The following SAMD5 variants were observed in gnomAD, a reference collection of about 807,000 sequenced individuals.
The protein encoded by SAMD5 is sterile alpha motif domain-containing protein 5.
Under a neutral mutation model 11.3 loss-of-function variants are expected in SAMD5, and 13 were observed. The observed-to-expected ratio is 1.15, with a 90% confidence interval of 0.75 to 1.83. The LOEUF (loss-of-function observed/expected upper bound fraction) is 1.83, where lower values mean the gene tolerates loss of function less well. Ranked by LOEUF, SAMD5 falls within the 40% of genes most tolerant of loss-of-function variation. The probability of loss-of-function intolerance (pLI) is 0.00; values close to 1 mark genes in which losing one functional copy is unlikely to be tolerated. For synonymous variants in SAMD5, 129 were observed against 111.3 expected (o/e 1.16, Z -1.00); for missense variants, 255 against 239.1 (o/e 1.07, Z -0.44).
the SAMD5 span, among the ~76,000 whole-genome samples, chr6:147,748,120 C>G: frequency 2.0e-5 from 3 of 152,100 alleles, no homozygotes; most frequent in Admixed American, 6.5e-5. Flanking sequence ...ATATTTTCAC[C>G]TTGGTAAGTG....
chr6:147,915,726 A>C, the SAMD5 span, among the ~76,000 whole-genome samples: 1,027 of 152,308 alleles, frequency 6.7e-3, 12 homozygotes, highest in African/African-American at 0.023. Context: ...GAAAGCTCCA[A>C]GAGGAAAGAA....
chr6:147,616,177 A>AT (rs1207696590), intron 1 of SAMD5, among the ~76,000 whole-genome samples: 7 of 112,484 alleles, frequency 6.2e-5, no homozygotes, highest in Non-Finnish European at 1.2e-4. Flanking sequence ...ATATATATTT[A>AT]TTCATATATA....
intron 1 of SAMD5, among the ~76,000 whole-genome samples, chr6:147,695,149 T>C (rs1374169107): frequency 6.6e-6 from 1 of 152,228 alleles, no homozygotes; most frequent in East Asian, 1.9e-4. Flanking sequence ...ATATGTGATA[T>C]CTAGGAATTT....
the SAMD5 span, among the ~76,000 whole-genome samples, chr6:147,871,963 AAATTT>A: frequency 4.2e-4 from 64 of 152,330 alleles, 1 homozygote; most frequent in African/African-American, 1.5e-3. Context: ...ATATATATGT[AAATTT>A]AATTTAACAG....
At chr6:147,902,171 G>T in the SAMD5 span, among the ~76,000 whole-genome samples, 1 of 151,862 alleles carries the variant, frequency 6.6e-6, no homozygotes, top group East Asian at 1.9e-4. Context: ...GGTCCAAATG[G>T]CCCCACACAT....
chr6:147,608,844 G>A (rs559593126), intron 1 of SAMD5, among the ~76,000 whole-genome samples: 1 of 152,232 alleles, frequency 6.6e-6, no homozygotes, highest in Admixed American at 6.5e-5. Context: ...TGAGGGGATA[G>A]AGACCCCATT....
intron 1 of SAMD5, among the ~76,000 whole-genome samples, chr6:147,731,230 A>T (rs1205721326): frequency 1.3e-5 from 2 of 152,126 alleles, no homozygotes; most frequent in Non-Finnish European, 2.9e-5. Context: ...CCATCTCCCC[A>T]TTTGAAGTCT....
the SAMD5 span, among the ~76,000 whole-genome samples, chr6:147,927,730 C>A: frequency 6.6e-6 from 1 of 152,082 alleles, no homozygotes; most frequent in Non-Finnish European, 1.5e-5. Flanking sequence ...GAGAGGGCAC[C>A]CTGGTCTTGC....
At chr6:147,536,533 T>G (rs1788512271) in intron 1 of SAMD5, among the ~76,000 whole-genome samples, 1 of 151,162 alleles carries the variant, frequency 6.6e-6, no homozygotes, top group East Asian at 1.9e-4. Flanking sequence ...TCCAAGAAGT[T>G]TTTTTTTTAA....
Position 147,711,883 on chromosome 6 carries a change from T to C in SAMD5, c.163-25434T>C, listed in dbSNP as rs1791405728. Reference sequence around the variant, plus strand: ...TTGCTTGCCAATCGAAAGCCCTATTTACATAAACACCAGGGGCCCACTCAG... The same window carrying C: ...TTGCTTGCCAATCGAAAGCCCTATTCACATAAACACCAGGGGCCCACTCAG... On this transcript the variant is annotated intron_variant, in intron 1 of 1. Transcript: ENST00000566741. This position sits in a 1 kb window ranked among gnomAD's most constrained non-coding sequence, Gnocchi z 4.1. 6.6e-6 allele frequency among the ~76,000 whole-genome samples: 1 copy of C among 152,212 alleles called. No individual in the cohort carries two copies. Among genetic ancestry groups the C allele is most frequent in the African/African-American group, 2.4e-5 (1 of 41,458 alleles).
intron 1 of SAMD5, among the ~76,000 whole-genome samples, chr6:147,611,150 G>A (rs1789778911): frequency 6.6e-6 from 1 of 152,156 alleles, no homozygotes; most frequent in African/African-American, 2.4e-5. Flanking sequence ...GGGATTACAG[G>A]CATTAGCCGC....
intron 1 of SAMD5, among the ~76,000 whole-genome samples, chr6:147,578,868 G>T (rs1189730916): frequency 2.0e-5 from 3 of 152,088 alleles, no homozygotes; most frequent in African/African-American, 2.4e-5. Context: ...GTTAGACATG[G>T]GTTTGAATTT....
At chr6:147,935,103 T>A in the SAMD5 span, among the ~76,000 whole-genome samples, 1 of 152,204 alleles carries the variant, frequency 6.6e-6, no homozygotes, top group African/African-American at 2.4e-5. Context: ...GTACAGCAAG[T>A]GTCTCCAGTG....
the SAMD5 span, among the ~76,000 whole-genome samples, chr6:147,754,452 T>A: frequency 6.6e-6 from 1 of 152,090 alleles, no homozygotes; most frequent in Non-Finnish European, 1.5e-5. Context: ...TTATGTATTC[T>A]GGTTATTAAT....
chr6:147,857,493 G>A, the SAMD5 span, among the ~76,000 whole-genome samples: 2 of 151,728 alleles, frequency 1.3e-5, no homozygotes, highest in African/African-American at 2.4e-5. Context: ...CAGCCTGAGT[G>A]ACAGAGCAAG....
chr6:147,646,712 T>G (rs1790407678), intron 1 of SAMD5, among the ~76,000 whole-genome samples: 1 of 152,178 alleles, frequency 6.6e-6, no homozygotes, highest in Admixed American at 6.5e-5. Flanking sequence ...CTTATCTCTT[T>G]TAATGTGTAT....
chr6:147,949,988 T>A, the SAMD5 span, among the ~76,000 whole-genome samples: 1 of 152,182 alleles, frequency 6.6e-6, no homozygotes, highest in African/African-American at 2.4e-5. Flanking sequence ...ATATGATGTA[T>A]CCTGAACCTC....
At chr6:147,722,980 A>T (rs59707534) in intron 1 of SAMD5, among the ~76,000 whole-genome samples, 27,933 of 151,962 alleles carry the variant, frequency 0.18, 4,274 homozygotes, top group African/African-American at 0.42. Flanking sequence ...GGGTCTGGGA[A>T]GCTGAAGGCT....
At chr6:147,608,256 C>T (rs563500308) in intron 1 of SAMD5, among the ~76,000 whole-genome samples, 1 of 152,134 alleles carries the variant, frequency 6.6e-6, no homozygotes, top group South Asian at 2.1e-4. Context: ...AAAAATTGAG[C>T]TACCATGTGA....
Sources: allele counts gnomAD v4.1 joint callset (sites outside exome capture counted in the v4.1 genomes callset), GRCh38; gene constraint gnomAD v4.1.1; non-coding constraint Gnocchi (gnomAD v3.1); transcripts MANE v1.5; gene names NCBI Gene and HGNC (gene_info 2026-07-23, HGNC 2026-07-21).